ATXN1: variants seen among roughly 807,000 people sequenced by gnomAD.
The protein encoded by ATXN1 is ataxin-1.
Under a neutral mutation model 56.4 loss-of-function variants are expected in ATXN1, and 8 were observed. The ratio of observed to expected loss-of-function variants is 0.14; its 90% confidence interval spans 0.08 to 0.26. ATXN1 has a LOEUF of 0.26. Among genes scored for constraint, ATXN1 ranks in the 10% least tolerant of loss-of-function variants. The probability of loss-of-function intolerance (pLI) is 1.00; values close to 1 mark genes in which losing one functional copy is unlikely to be tolerated. For missense variants in ATXN1, 987 were observed against 1,106.5 expected, an observed-to-expected ratio of 0.89 and a Z score of 1.53; for synonymous variants, 514 against 494.6, an observed-to-expected ratio of 1.04 and a Z score of -0.52.
At chr6:16,431,485 C>T (rs563084805) in intron 6 of ATXN1, among the ~76,000 whole-genome samples, 1 of 152,274 alleles carries the variant, frequency 6.6e-6, no homozygotes, top group East Asian at 1.9e-4. Context: ...TCTCCAAGTA[C>T]ATTTTAGGGG....
chr6:16,647,706 C>T (rs1473541903), intron 3 of ATXN1, among the ~76,000 whole-genome samples: 4 of 152,220 alleles, frequency 2.6e-5, no homozygotes, highest in Non-Finnish European at 5.9e-5. Flanking sequence ...TGATAATAAA[C>T]ATTTCACAAT....
At chr6:16,619,556 A>T (rs1214799699) in intron 3 of ATXN1, among the ~76,000 whole-genome samples, 3 of 152,238 alleles carry the variant, frequency 2.0e-5, no homozygotes, top group Non-Finnish European at 4.4e-5. Flanking sequence ...ACAGTAAATC[A>T]GCATGATCCC....
At chr6:16,521,585 A>G (rs1761291684) in intron 5 of ATXN1, among the ~76,000 whole-genome samples, 1 of 152,204 alleles carries the variant, frequency 6.6e-6, no homozygotes, top group South Asian at 2.1e-4. Context: ...AATAAAATAA[A>G]AGAATAAATG....
chr6:16,415,070 C>A (rs9477129), intron 6 of ATXN1, among the ~76,000 whole-genome samples: 17,836 of 152,160 alleles, frequency 0.12, 1,213 homozygotes, highest in Admixed American at 0.15. Flanking sequence ...ACTTTCCTAG[C>A]TAGGATACCT....
chr6:16,475,087 G>A (rs1255992509), intron 6 of ATXN1, among the ~76,000 whole-genome samples: 1 of 151,980 alleles, frequency 6.6e-6, no homozygotes, highest in Non-Finnish European at 1.5e-5. Flanking sequence ...TCCTTTTATA[G>A]ATGAGACTAT....
chr6:16,503,251 G>A (rs1288147489), intron 5 of ATXN1, among the ~76,000 whole-genome samples: 4 of 152,138 alleles, frequency 2.6e-5, no homozygotes, highest in Non-Finnish European at 4.4e-5. Flanking sequence ...GCAGAGGTTG[G>A]GAGACTGAGA....
At chr6:16,499,114 A>C (rs545151685) in intron 5 of ATXN1, among the ~76,000 whole-genome samples, 14 of 152,234 alleles carry the variant, frequency 9.2e-5, no homozygotes, top group African/African-American at 3.1e-4. Flanking sequence ...TTTTCATTTA[A>C]AAGTTTTATA....
rs1760990225 is a variant in ATXN1 at position 16,506,921 on chromosome 6, T to A, written c.-299+15706A>T. On this transcript the variant is annotated intron_variant, in intron 5 of 7. Coordinates refer to ENST00000436367, the MANE Select transcript of ATXN1 (RefSeq NM_001128164.2). This position sits in a 1 kb window ranked among gnomAD's most constrained non-coding sequence, Gnocchi z 4.1. ...ATAAACCAAAGGATGTAGGGATGTA[T>A]GTACAGCTGGATGGATGAATGGACA... Among the ~76,000 whole-genome samples, 5 of 152,224 alleles carry A rather than the reference T, an allele frequency of 3.3e-5. No individual in the cohort carries two copies. The highest frequency in any genetic ancestry group is 1.5e-5 in the Non-Finnish European group (1 of 68,046).
intron 2 of ATXN1, among the ~76,000 whole-genome samples, chr6:16,701,592 T>C (rs1188714208): frequency 6.6e-6 from 1 of 152,184 alleles, no homozygotes; most frequent in Non-Finnish European, 1.5e-5. Flanking sequence ...AACCCCATTG[T>C]CTCAGCCCAA....
At chr6:16,604,113 A>G (rs1280184365) in intron 3 of ATXN1, among the ~76,000 whole-genome samples, 1 of 152,130 alleles carries the variant, frequency 6.6e-6, no homozygotes, top group Non-Finnish European at 1.5e-5. Context: ...GGATTCCTCA[A>G]GGTCTTTTAA....
chr6:16,706,205 A>G (rs779720077), intron 2 of ATXN1, among the ~76,000 whole-genome samples: 8 of 152,108 alleles, frequency 5.3e-5, no homozygotes, highest in Non-Finnish European at 8.8e-5. Flanking sequence ...CCTCCAGTCA[A>G]CCTGACTCAG....
chr6:16,354,275 T>G (rs1047909820), intron 6 of ATXN1, among the ~76,000 whole-genome samples: 9 of 152,224 alleles, frequency 5.9e-5, no homozygotes, highest in South Asian at 4.1e-4. Flanking sequence ...TTTTTTTTTT[T>G]GAGATGGAGT....
chr6:16,531,811 C>G (rs1204810152), intron 4 of ATXN1, among the ~76,000 whole-genome samples: 1 of 152,140 alleles, frequency 6.6e-6, no homozygotes, highest in Non-Finnish European at 1.5e-5. Context: ...AGGGGTCTAT[C>G]TTATTCAGTA....
At chr6:16,594,473 C>CT (rs1045184703) in intron 3 of ATXN1, among the ~76,000 whole-genome samples, 1,813 of 143,852 alleles carry the variant, frequency 0.013, 34 homozygotes, top group African/African-American at 0.04. Context: ...CCTTTTTTTC[C>CT]TTTTTTTTTT....
chr6:16,445,362 G>A (rs922424756), intron 6 of ATXN1, among the ~76,000 whole-genome samples: 3 of 152,210 alleles, frequency 2.0e-5, no homozygotes, highest in African/African-American at 4.8e-5. Flanking sequence ...GCAAGGTCCA[G>A]GGAATACTGT....
chr6:16,464,146 A>C (rs1292940446), intron 6 of ATXN1, among the ~76,000 whole-genome samples: 1 of 152,158 alleles, frequency 6.6e-6, no homozygotes, highest in Non-Finnish European at 1.5e-5. Context: ...TCAAGTAGGG[A>C]CTTGAGGAAC....
At chr6:16,716,998 G>A (rs867357960) in intron 2 of ATXN1, among the ~76,000 whole-genome samples, 36 of 152,206 alleles carry the variant, frequency 2.4e-4, no homozygotes, top group Admixed American at 1.9e-3. Context: ...ACTTGACAAC[G>A]GGGAAGAGAT....
intron 2 of ATXN1, among the ~76,000 whole-genome samples, chr6:16,678,536 A>G (rs559471816): frequency 1.3e-5 from 2 of 152,344 alleles, no homozygotes; most frequent in East Asian, 3.9e-4. Context: ...AAAATGAGAA[A>G]TCAGAGACAG....
intron 6 of ATXN1, among the ~76,000 whole-genome samples, chr6:16,361,549 G>A (rs773854850): frequency 2.1e-4 from 32 of 152,114 alleles, no homozygotes; most frequent in African/African-American, 6.5e-4. Flanking sequence ...CTAAAAAAAC[G>A]TAACTTGTCC....
Sources: gnomAD v4.1 joint callset for allele counts (sites outside exome capture counted in the v4.1 genomes callset) on GRCh38, gnomAD v4.1.1 for gene constraint, Gnocchi (gnomAD v3.1) non-coding constraint, MANE v1.5 for transcripts, NCBI Gene and HGNC (gene_info 2026-07-23, HGNC 2026-07-21) for gene names.